Variants in WDFY3 observed in about 807,000 individuals in gnomAD.
WDFY3 encodes WD repeat and FYVE domain containing 3, also known as WD repeat and FYVE domain-containing protein 3.
In WDFY3, 66 loss-of-function variants were observed where a neutral mutation model predicts 409.6. The ratio of observed to expected loss-of-function variants is 0.16; its 90% CI spans 0.13 to 0.20. The LOEUF (loss-of-function observed/expected upper bound fraction) is 0.20. Among genes scored for constraint, WDFY3 ranks in the 10% least tolerant of loss-of-function variants. The pLI is 1.00. For missense variants in WDFY3, 3,031 were observed against 4,298.1 expected, an observed-to-expected ratio of 0.71 and a Z score of 8.24; for synonymous variants, 1,521 against 1,537.1, an observed-to-expected ratio of 0.99 and a Z score of 0.25.
chr4:84,857,917 A>T (rs1458253112), intron 4 of WDFY3, among the ~76,000 whole-genome samples: 3 of 152,060 alleles, frequency 2.0e-5, no homozygotes, highest in Non-Finnish European at 4.4e-5. Context: ...TACAAACCTC[A>T]ATCTCAATAA....
chr4:84,725,119 G>A (rs1735459962), intron 45 of WDFY3, among the ~76,000 whole-genome samples: 1 of 152,194 alleles, frequency 6.6e-6, no homozygotes, highest in Non-Finnish European at 1.5e-5. Context: ...AGGTTTCACT[G>A]AGAATGGCCA....
At chr4:84,763,448 G>T (rs914076562) in intron 32 of WDFY3, among the ~76,000 whole-genome samples, 10 of 152,020 alleles carry the variant, frequency 6.6e-5, no homozygotes, top group Non-Finnish European at 4.4e-5. Flanking sequence ...TTAAAACCTA[G>T]ATGACGGGCT....
chr4:84,932,500 A>G (rs955498058), intron 1 of WDFY3, 137 bp from the exon 2 acceptor site: 2 of 152,226 alleles, frequency 1.3e-5, no homozygotes, highest in Non-Finnish European at 2.9e-5. Flanking sequence ...CACTTTATTT[A>G]AAATAGATTA....
chr4:84,704,034 T>A lies in WDFY3; in HGVS notation c.8442+304A>T, dbSNP rs190549616. On this transcript the variant is annotated intron_variant, in intron 55 of 67. Transcript: ENST00000295888. ...CAATTATAATCGAGGAAACAGAGAA[T>A]GAGCTGGAATATATCATGTTTTTGT... is the stretch of plus-strand genomic sequence containing the variant. Among the ~76,000 whole-genome samples the A allele has an allele frequency of 2.2e-4, 33 of 152,310 alleles. 1 individual carries two copies. The East Asian group carries it at 2.5e-3, about 12-fold the overall frequency.
At chr4:84,718,703 A>C in intron 47 of WDFY3, 133 bp from the exon 48 acceptor site, 1 of 1,101,784 alleles carries the variant, frequency 9.1e-7, no homozygotes, top group Non-Finnish European at 1.2e-6. Context: ...TTAAGCTTAG[A>C]TTACAGTCTG....
chr4:84,723,611 A>C (rs1735188525), intron 46 of WDFY3, among the ~76,000 whole-genome samples: 1 of 152,096 alleles, frequency 6.6e-6, no homozygotes, highest in Non-Finnish European at 1.5e-5. Context: ...CATGTGTCAA[A>C]ATTTATAAAG....
At chr4:84,902,851 T>TA (rs1395748514) in intron 2 of WDFY3, among the ~76,000 whole-genome samples, 1 of 152,194 alleles carries the variant, frequency 6.6e-6, no homozygotes, top group African/African-American at 2.4e-5. Context: ...CTTTCAGACT[T>TA]ATTGTCAGGA....
At chr4:84,850,950 T>TTTTTTTTTTTTTTTTTTTTTTTTTG (rs1237090081) in intron 4 of WDFY3, among the ~76,000 whole-genome samples, 1 of 81,966 alleles carries the variant, frequency 1.2e-5, no homozygotes, top group African/African-American at 3.7e-5. Flanking sequence ...TTTTTTTTTT[T>TTTTTTTTTTTTTTTTTTTTTTTTTG]TTTTTTTTTT....
chr4:84,697,187 G>A (rs1001223338), intron 56 of WDFY3, among the ~76,000 whole-genome samples: 8 of 152,160 alleles, frequency 5.3e-5, no homozygotes, highest in Admixed American at 5.2e-4. Flanking sequence ...AACACAAAAT[G>A]TCTGAAATTT....
intron 6 of WDFY3, among the ~76,000 whole-genome samples, chr4:84,838,731 CT>C (rs1756930673): frequency 6.6e-6 from 1 of 152,214 alleles, no homozygotes; most frequent in Non-Finnish European, 1.5e-5. Context: ...TTTCTTAACA[CT>C]TATGTTACCA....
At chr4:84,889,253 T>TA (rs1272827295) in intron 3 of WDFY3, among the ~76,000 whole-genome samples, 1 of 152,160 alleles carries the variant, frequency 6.6e-6, no homozygotes, top group Non-Finnish European at 1.5e-5. Context: ...GTATTCCTCA[T>TA]AAAACATAAA....
At chr4:84,786,213 T>C (rs1747525485) in intron 23 of WDFY3, 74 bp from the exon 24 acceptor site, 1 of 1,432,220 alleles carries the variant, frequency 7.0e-7, no homozygotes, top group Non-Finnish European at 9.3e-7. Flanking sequence ...ATTCTTACTA[T>C]CATTTTTAAA....
intron 5 of WDFY3, among the ~76,000 whole-genome samples, chr4:84,845,509 T>C (rs1186524970): frequency 6.6e-6 from 1 of 152,082 alleles, no homozygotes; most frequent in Non-Finnish European, 1.5e-5. Context: ...CTGTACAGCA[T>C]GGTATGTATA....
intron 44 of WDFY3, 96 bp downstream of exon 44, chr4:84,733,286 C>A: frequency 7.5e-7 from 1 of 1,328,778 alleles, no homozygotes; most frequent in Non-Finnish European, 1.0e-6. Context: ...TTAAAATTAG[C>A]TATTTGAGGT....
At chr4:84,882,909 C>T (rs956713262) in intron 3 of WDFY3, among the ~76,000 whole-genome samples, 8 of 151,928 alleles carry the variant, frequency 5.3e-5, no homozygotes, top group African/African-American at 9.7e-5. Context: ...GGTCTCACTA[C>T]GTTGCCCAGG....
chr4:84,850,928 G>GTTTTTTTTTTTATTTT, intron 4 of WDFY3, among the ~76,000 whole-genome samples: 1 of 46,218 alleles, frequency 2.2e-5, no homozygotes, highest in Non-Finnish European at 3.9e-5. Context: ...TTATTTATCT[G>GTTTTTTTTTTTATTTT]TTTTTTTTTT....
At chr4:84,891,716 AT>A (rs1764981042) in intron 3 of WDFY3, among the ~76,000 whole-genome samples, 1 of 152,164 alleles carries the variant, frequency 6.6e-6, no homozygotes, top group Non-Finnish European at 1.5e-5. Flanking sequence ...CCTGCATTAG[AT>A]TACAGAATGA....
chr4:84,920,065 C>T (rs886266911), intron 2 of WDFY3, among the ~76,000 whole-genome samples: 2 of 151,654 alleles, frequency 1.3e-5, no homozygotes, highest in Admixed American at 6.6e-5. Flanking sequence ...AATAAGAAAA[C>T]GAACAAAAAA....
chr4:84,688,823 G>T (rs1728768937), intron 61 of WDFY3, among the ~76,000 whole-genome samples: 1 of 152,138 alleles, frequency 6.6e-6, no homozygotes, highest in South Asian at 2.1e-4. Flanking sequence ...AAGTCCTGCT[G>T]CCAATCGGAG....
Sources: gnomAD v4.1 joint callset for allele counts (sites outside exome capture counted in the v4.1 genomes callset) on GRCh38, gnomAD v4.1.1 for gene constraint, MANE v1.5 for transcripts, NCBI Gene and HGNC (gene_info 2026-07-23, HGNC 2026-07-21) for gene names.